FUT8: variants seen among roughly 807,000 people sequenced by gnomAD.
FUT8 encodes the protein fucosyltransferase 8, also known as alpha-(1,6)-fucosyltransferase.
A neutral mutation model predicts 71.3 loss-of-function variants in FUT8; 29 were observed. The observed-to-expected ratio is 0.41, with a 90% CI of 0.30 to 0.55. FUT8 has a LOEUF of 0.55. Among genes scored for constraint, FUT8 ranks in the 20% least tolerant of loss-of-function variants. The probability of loss-of-function intolerance (pLI) is 0.34; values close to 1 mark genes in which losing one functional copy is unlikely to be tolerated. For synonymous variants in FUT8, 254 were observed against 239.3 expected, an observed-to-expected ratio of 1.06 and a Z score of -0.57; for missense variants, 544 against 702.1, an observed-to-expected ratio of 0.77 and a Z score of 2.55.
chr14:65,461,755 C>T (rs926522057), intron 2 of FUT8, among the ~76,000 whole-genome samples: 1 of 152,094 alleles, frequency 6.6e-6, no homozygotes, highest in African/African-American at 2.4e-5. Flanking sequence ...ATGAGTATTG[C>T]CAAGGAAGAA....
chr14:65,408,140 T>C (rs1246646178), upstream of FUT8, among the ~76,000 whole-genome samples: 1 of 152,196 alleles, frequency 6.6e-6, no homozygotes, highest in Non-Finnish European at 1.5e-5. Context: ...AAGGTGTATT[T>C]CTTATTAAAA....
chr14:65,654,061 ATCT>A (rs1442560295), intron 6 of FUT8, among the ~76,000 whole-genome samples: 1 of 152,220 alleles, frequency 6.6e-6, no homozygotes, highest in Non-Finnish European at 1.5e-5. Flanking sequence ...GAATTGCCTA[ATCT>A]TCTCCTGTTG....
chr14:65,611,638 G>C (rs182232303), intron 3 of FUT8, among the ~76,000 whole-genome samples: 6 of 151,448 alleles, frequency 4.0e-5, no homozygotes, highest in Admixed American at 1.3e-4. Context: ...GTTCAACTTG[G>C]GTATCTATTA....
intron 3 of FUT8, among the ~76,000 whole-genome samples, chr14:65,566,348 G>T (rs1229802911): frequency 6.6e-6 from 1 of 151,992 alleles, no homozygotes; most frequent in African/African-American, 2.4e-5. Context: ...AAAAATGGAA[G>T]AAATAGATAC....
Position 65,616,109 on chromosome 14 carries a change from G to A in FUT8, c.319+16G>A. 1.2e-6 allele frequency: 2 copies of A among 1,609,612 alleles called. No individual in the cohort carries two copies. The highest frequency in any genetic ancestry group is 2.2e-5 in the East Asian group (1 of 44,816). On this transcript the variant is annotated intron_variant, in intron 4 of 10. Coordinates refer to ENST00000673929, the MANE Select transcript of FUT8 (RefSeq NM_001371533.1). ...ACCAGAAATGGTAGGTGATTATACA[G>A]TGTTTTCCCCTCCTCAGTATATGGG...
chr14:65,497,647 A>T (rs1027023653), intron 2 of FUT8, among the ~76,000 whole-genome samples: 1 of 152,066 alleles, frequency 6.6e-6, no homozygotes, highest in Non-Finnish European at 1.5e-5. Flanking sequence ...TGTATGTTAT[A>T]AGAGTTTAAT....
chr14:65,737,358 T>A (rs1896267827), intron 10 of FUT8, among the ~76,000 whole-genome samples: 1 of 152,148 alleles, frequency 6.6e-6, no homozygotes, highest in South Asian at 2.1e-4. Context: ...TTGGAGGCAA[T>A]ATTAGCATTT....
chr14:65,649,426 A>T (rs1348657730), intron 6 of FUT8, among the ~76,000 whole-genome samples: 1 of 152,226 alleles, frequency 6.6e-6, no homozygotes, highest in Non-Finnish European at 1.5e-5. Context: ...TCCTGAAGCC[A>T]CAAGTCACAT....
chr14:65,450,865 C>G (rs2065811221), intron 1 of FUT8, among the ~76,000 whole-genome samples: 1 of 151,456 alleles, frequency 6.6e-6, no homozygotes, highest in Non-Finnish European at 1.5e-5. Flanking sequence ...ACCCTTCCAC[C>G]CTATTTTTTT....
intron 2 of FUT8, among the ~76,000 whole-genome samples, chr14:65,477,859 CT>C (rs79007912): frequency 4.4e-3 from 624 of 142,670 alleles, no homozygotes; most frequent in Admixed American, 4.7e-3. Flanking sequence ...TTTGTGATGT[CT>C]TTTTTTTTTT....
intron 2 of FUT8, among the ~76,000 whole-genome samples, chr14:65,464,639 C>G (rs1234564120): frequency 2.0e-5 from 3 of 148,784 alleles, no homozygotes; most frequent in Non-Finnish European, 4.5e-5. Flanking sequence ...TTTTTTTTTT[C>G]TGTTTCCTGG....
At chr14:65,476,881 CTT>C (rs2066254297) in intron 2 of FUT8, among the ~76,000 whole-genome samples, 1 of 152,112 alleles carries the variant, frequency 6.6e-6, no homozygotes, top group Non-Finnish European at 1.5e-5. Context: ...TTCTAAATAT[CTT>C]TATCCCTTAA....
intron 7 of FUT8, among the ~76,000 whole-genome samples, chr14:65,681,821 A>G (rs1188593250): frequency 6.6e-6 from 1 of 152,232 alleles, no homozygotes; most frequent in African/African-American, 2.4e-5. Context: ...AACCCTTATT[A>G]TCCACATTTT....
At chr14:65,529,636 G>A (rs1883799014) in intron 2 of FUT8, 1 of 152,916 alleles carries the variant, frequency 6.5e-6, no homozygotes, top group South Asian at 2.1e-4. Flanking sequence ...TGGCTGTGGT[G>A]GCTGCTATTT....
chr14:65,705,487 G>A (rs979600753), intron 7 of FUT8, among the ~76,000 whole-genome samples: 7 of 152,162 alleles, frequency 4.6e-5, no homozygotes, highest in Non-Finnish European at 1.0e-4. Context: ...TCTCACCATA[G>A]CTAGTTAGCT....
intron 7 of FUT8, among the ~76,000 whole-genome samples, chr14:65,683,815 T>C (rs1359049651): frequency 6.6e-6 from 1 of 152,142 alleles, no homozygotes; most frequent in African/African-American, 2.4e-5. Flanking sequence ...ATATTATGTC[T>C]ATATTCATGA....
intron 2 of FUT8, among the ~76,000 whole-genome samples, chr14:65,484,172 C>T (rs560145919): frequency 3.9e-5 from 6 of 152,298 alleles, no homozygotes; most frequent in African/African-American, 1.4e-4. Context: ...ATAGACAAAG[C>T]ATGTCTTTTG....
At chr14:65,383,410 A>T in the FUT8 span, among the ~76,000 whole-genome samples, 1 of 151,568 alleles carries the variant, frequency 6.6e-6, no homozygotes. Context: ...ACGTGGCTGG[A>T]ACTACAGGCA....
chr14:65,639,870 T>C (rs1385479918), intron 6 of FUT8, among the ~76,000 whole-genome samples: 2 of 152,130 alleles, frequency 1.3e-5, no homozygotes, highest in African/African-American at 4.8e-5. Context: ...TTCTAAAAGA[T>C]AGTTTTTCAA....
Sources: allele counts gnomAD v4.1 joint callset (sites outside exome capture counted in the v4.1 genomes callset), GRCh38; gene constraint gnomAD v4.1.1; transcripts MANE v1.5; gene names NCBI Gene and HGNC (gene_info 2026-07-23, HGNC 2026-07-21).